Variants in ATXN7 observed in about 807,000 individuals in gnomAD.
ATXN7 encodes ataxin-7.
A neutral mutation model predicts 70.5 loss-of-function variants in ATXN7; 12 were observed. That is an observed-to-expected ratio of 0.17 (90% CI 0.11 to 0.28). The LOEUF is 0.28. ATXN7 is among the 10% of genes least tolerant of loss of function. ATXN7 has a pLI of 1.00. For missense variants in ATXN7, 1,256 were observed against 1,131.7 expected (o/e 1.11, Z -1.58); for synonymous variants, 498 against 448.7 (o/e 1.11, Z -1.39).
At chr3:63,901,292 T>G (rs1703632563) in intron 2 of ATXN7, 1 of 152,226 alleles carries the variant, frequency 6.6e-6, no homozygotes, top group African/African-American at 2.4e-5. Flanking sequence ...CTAGTCTCTT[T>G]GCAATTTGCA....
chr3:63,996,596 T>C (rs1036196386), intron 12 of ATXN7, 113 bp downstream of exon 12: 28 of 1,027,182 alleles, frequency 2.7e-5, no homozygotes, highest in Middle Eastern at 5.3e-4. Context: ...TAAACAGATA[T>C]TCAGCTTCAT....
At chr3:63,883,852 A>G (rs1186321099) in intron 1 of ATXN7, among the ~76,000 whole-genome samples, 1 of 152,190 alleles carries the variant, frequency 6.6e-6, no homozygotes, top group Non-Finnish European at 1.5e-5. Flanking sequence ...AACAACAGAA[A>G]AAAAAATATT....
At chr3:63,977,441 G>C (rs994705453) in intron 5 of ATXN7, among the ~76,000 whole-genome samples, 3 of 152,154 alleles carry the variant, frequency 2.0e-5, no homozygotes, top group Admixed American at 2.0e-4. Context: ...AGTTCTAGTT[G>C]AGGGTTTTCT....
chr3:63,899,430 G>T (rs983896806), intron 2 of ATXN7, among the ~76,000 whole-genome samples: 5 of 151,960 alleles, frequency 3.3e-5, no homozygotes, highest in African/African-American at 1.2e-4. Context: ...TAGTGGTGAA[G>T]TTTCACATAA....
At chr3:63,924,459 A>C (rs894462232) in intron 4 of ATXN7, among the ~76,000 whole-genome samples, 2 of 152,094 alleles carry the variant, frequency 1.3e-5, no homozygotes, top group Non-Finnish European at 2.9e-5. Flanking sequence ...GTGTCAATAA[A>C]GAATCCATTA....
intron 7 of ATXN7, 125 bp from the exon 8 acceptor site, chr3:63,982,814 T>G: frequency 2.7e-6 from 2 of 746,642 alleles, no homozygotes; most frequent in Non-Finnish European, 4.5e-6. Context: ...TTTTATTTTA[T>G]TGATAATGTG....
intron 8 of ATXN7, among the ~76,000 whole-genome samples, 172 bp downstream of exon 8, chr3:63,983,193 A>G (rs1273915767): frequency 6.6e-6 from 1 of 152,236 alleles, no homozygotes; most frequent in East Asian, 1.9e-4. Flanking sequence ...CAGATTGACA[A>G]AATGTGAAGT....
Position 63,912,641 on chromosome 3 carries a change from C to T in ATXN7, c.43C>T (p.Arg15Cys). 9.6e-7 allele frequency: 1 copy of T among 1,043,694 alleles called. No homozygotes were observed. The highest frequency in any genetic ancestry group is 1.2e-6 in the Non-Finnish European group (1 of 861,560). 64.7% of individuals were successfully genotyped at this position (1,043,694 alleles called of 1,614,324 possible). Residue 15 changes from arginine (R) to cysteine (C), a missense_variant, in exon 3 of 13, where the codon CGC becomes TGC. Coordinates refer to ENST00000674280, the MANE Select transcript of ATXN7 (RefSeq NM_001377405.1). ...GGATGACGTCAGGGGGGAGCCGCGC[C>T]GCGCGGCGGCGGCGGCGGGCGGAGC... Reference protein sequence around the residue: ...AADDVRGEPRRAAAAAGGAAA... With the variant: ...AADDVRGEPRCAAAAAGGAAA...
chr3:63,919,018 A>T (rs1195106792), intron 4 of ATXN7, among the ~76,000 whole-genome samples: 2 of 144,908 alleles, frequency 1.4e-5, no homozygotes. Flanking sequence ...GCGTAGGTGC[A>T]GGAACCCCCA....
At chr3:63,994,309 A>C (rs1231329156) in intron 11 of ATXN7, among the ~76,000 whole-genome samples, 2 of 152,126 alleles carry the variant, frequency 1.3e-5, no homozygotes, top group Non-Finnish European at 2.9e-5. Flanking sequence ...ATTTCAGCTC[A>C]CTGTGACCTC....
chr3:63,884,554 T>C (rs1243184291), intron 1 of ATXN7, among the ~76,000 whole-genome samples: 1 of 152,208 alleles, frequency 6.6e-6, no homozygotes, highest in South Asian at 2.1e-4. Flanking sequence ...TGGGAGAGAA[T>C]AGATAAATCT....
chr3:63,912,749 C>T lies in ATXN7; in HGVS notation c.151C>T (p.Pro51Ser). ...TCCGCAGCCCCAGCGGCAGCAGCACCCGCCACCGCCGCCACGGCGCACACG... is the reference window on the plus strand; with the variant it reads ...TCCGCAGCCCCAGCGGCAGCAGCACTCGCCACCGCCGCCACGGCGCACACG... ...PPPQPQRQQH[P>S]PPPPRRTRPE... is the part of the protein sequence containing the mutation. The change falls in exon 3 of 13, where the codon CCG (proline) becomes TCG (serine). Residue 51 changes from proline to serine, a missense_variant. Coordinates refer to ENST00000674280, the MANE Select transcript of ATXN7 (RefSeq NM_001377405.1). 1.5e-6 allele frequency: 2 copies of T among 1,303,132 alleles called. No individual in the cohort carries two copies. Among genetic ancestry groups the T allele is most frequent in the South Asian group, 2.5e-5 (1 of 40,324 alleles). 80.7% of individuals were successfully genotyped at this position (1,303,132 alleles called of 1,614,324 possible).
chr3:63,926,765 GGT>G (rs939865581), intron 4 of ATXN7, among the ~76,000 whole-genome samples: 13 of 151,992 alleles, frequency 8.6e-5, no homozygotes, highest in African/African-American at 3.1e-4. Context: ...GCTAGACTTA[GGT>G]TAAGTGTCAC....
intron 11 of ATXN7, among the ~76,000 whole-genome samples, chr3:63,992,108 A>G (rs1198390705): frequency 6.6e-6 from 1 of 152,070 alleles, no homozygotes; most frequent in Non-Finnish European, 1.5e-5. Flanking sequence ...CCTTAAATGG[A>G]CTCTGCCAGT....
intron 5 of ATXN7, among the ~76,000 whole-genome samples, chr3:63,973,151 G>C (rs148121184): frequency 6.6e-6 from 1 of 152,314 alleles, no homozygotes; most frequent in Admixed American, 6.5e-5. Flanking sequence ...GCAGAGCAAG[G>C]ATATGAACCC....
chr3:63,863,950 CG>C lies in ATXN7; in HGVS notation c.-318del, dbSNP rs2107180284. The C allele has an allele frequency of 1.3e-5, 1 of 75,280 alleles. No individual in the cohort carries two copies. Among genetic ancestry groups the C allele is most frequent in the Non-Finnish European group, 2.7e-5 (1 of 36,542 alleles). 4.7% of individuals were successfully genotyped at this position (75,280 alleles called of 1,614,324 possible). ...CTCCGACGCCTGAGCCGCGCCGCGC[CG>C]CGCCGCCGCCGCCGCCGCCGCCGCC... On this transcript the variant is annotated 5_prime_UTR_variant, in exon 1 of 13. An upstream open reading frame in the 5' UTR gains an earlier in-frame stop. Transcript: ENST00000674280.
intron 11 of ATXN7, among the ~76,000 whole-genome samples, chr3:63,993,107 A>G (rs757478990): frequency 6.6e-6 from 1 of 152,154 alleles, no homozygotes; most frequent in African/African-American, 2.4e-5. Flanking sequence ...GTCTCAGGCC[A>G]GTGGTGAAAT....
At chr3:63,937,246 G>T (rs1425166642) in intron 4 of ATXN7, among the ~76,000 whole-genome samples, 2 of 152,260 alleles carry the variant, frequency 1.3e-5, no homozygotes, top group African/African-American at 4.8e-5. Context: ...AAATAAAATA[G>T]ACCAAAGGCT....
At chr3:63,908,582 CT>C (rs1322863678) in intron 2 of ATXN7, among the ~76,000 whole-genome samples, 1 of 152,206 alleles carries the variant, frequency 6.6e-6, no homozygotes, top group Non-Finnish European at 1.5e-5. Flanking sequence ...TAGTTAACTG[CT>C]TTTCAAGTTT....
Sources: gnomAD v4.1 joint callset for allele counts (sites outside exome capture counted in the v4.1 genomes callset) on GRCh38, gnomAD v4.1.1 for gene constraint, MANE v1.5 for transcripts, NCBI Gene and HGNC (gene_info 2026-07-23, HGNC 2026-07-21) for gene names.